DLGAP2: variants seen among roughly 807,000 people sequenced by gnomAD.
The protein encoded by DLGAP2 is disks large-associated protein 2.
DLGAP2 carries 26 observed loss-of-function variants against 100.3 expected under a neutral mutation model. The observed-to-expected ratio is 0.26, with a 90% confidence interval of 0.19 to 0.36. DLGAP2 has a LOEUF of 0.36. Among genes scored for constraint, DLGAP2 ranks in the 10% least tolerant of loss-of-function variants. The pLI, the probability that DLGAP2 is intolerant of heterozygous loss-of-function variation, is 1.00. For synonymous variants in DLGAP2, 886 were observed against 630.1 expected (o/e 1.41, Z -6.08); for missense variants, 1,858 against 1,453.2 (o/e 1.28, Z -4.53).
At chr8:1,588,253 G>A (rs1377861802) in intron 6 of DLGAP2, among the ~76,000 whole-genome samples, 1 of 151,964 alleles carries the variant, frequency 6.6e-6, no homozygotes, top group Admixed American at 6.6e-5. Flanking sequence ...TAATCTAATG[G>A]CTATTGAAGG....
intron 1 of DLGAP2, among the ~76,000 whole-genome samples, chr8:821,920 T>C (rs895175531): frequency 6.6e-6 from 1 of 152,232 alleles, no homozygotes; most frequent in Non-Finnish European, 1.5e-5. Context: ...CAGTTGGTGG[T>C]GATTTTTATA....
intron 2 of DLGAP2, among the ~76,000 whole-genome samples, chr8:1,113,239 G>C (rs568137097): frequency 3.9e-5 from 6 of 152,160 alleles, no homozygotes; most frequent in African/African-American, 1.4e-4. Context: ...GTTCTGTAAA[G>C]AGTGTCATTG....
At chr8:828,324 CG>C (rs530733499) in intron 1 of DLGAP2, among the ~76,000 whole-genome samples, 1 of 152,042 alleles carries the variant, frequency 6.6e-6, no homozygotes, top group East Asian at 1.9e-4. Context: ...AGGTACGCCC[CG>C]GGGGGGCCAG....
Position 1,555,827 on chromosome 8 carries a change from G to T in DLGAP2, c.1230+6144G>T, listed in dbSNP as rs77735545. Among the ~76,000 whole-genome samples, 527 of 152,384 alleles carry T rather than the reference G, an allele frequency of 3.5e-3. 5 individuals are homozygous for T. The highest frequency in any genetic ancestry group is 0.026 in the East Asian group (136 of 5,190). On this transcript the variant is annotated intron_variant, in intron 5 of 14. Coordinates refer to ENST00000637795, the MANE Select transcript of DLGAP2 (RefSeq NM_001346810.2). Reference sequence around the variant, plus strand: ...AATGTTTGTTGAAATGCTGATGGATGTTGAAGGGTGTCTGGTTTTGGGTTG... The same window carrying T: ...AATGTTTGTTGAAATGCTGATGGATTTTGAAGGGTGTCTGGTTTTGGGTTG...
In DLGAP2 at chr8:1,703,009, G is replaced by C. The variant is rs1799615604; in HGVS notation, c.*1603G>C. On this transcript the variant is annotated 3_prime_UTR_variant, in exon 15 of 15. Transcript: ENST00000637795. ...TGTCCCCAGCCCCTCTGCAGCCCGT[G>C]GCTGGCAGGGCGTTCGATGTGCGGT... 2 of 152,680 alleles carry C rather than the reference G, an allele frequency of 1.3e-5. No homozygotes were observed. The highest frequency in any genetic ancestry group is 4.8e-5 in the African/African-American group (2 of 41,448). The allele number at this position is 152,680 out of a possible 1,614,324, so 9.5% of individuals were successfully genotyped here. A position where few individuals can be genotyped will look rare whatever the true frequency, so the allele number is the denominator to read the frequency against.
chr8:1,209,609 G>A (rs745879119), intron 2 of DLGAP2, among the ~76,000 whole-genome samples: 1 of 152,166 alleles, frequency 6.6e-6, no homozygotes, highest in Non-Finnish European at 1.5e-5. Flanking sequence ...TTTGGAGATG[G>A]GGTTTTAGGG....
intron 3 of DLGAP2, among the ~76,000 whole-genome samples, chr8:1,344,090 G>A (rs74489429): frequency 9.6e-5 from 7 of 73,228 alleles, no homozygotes; most frequent in East Asian, 1.4e-3. Flanking sequence ...TGTCGTACTC[G>A]GGGCCCTGTC....
At chr8:1,254,888 C>CGTGCTGTGTGTGTGCCCTCTGCTGCCCGT (rs1799137817) in intron 2 of DLGAP2, among the ~76,000 whole-genome samples, 2 of 128,738 alleles carry the variant, frequency 1.6e-5, no homozygotes, top group African/African-American at 7.3e-5. Flanking sequence ...CTCCTGCCCG[C>CGTGCTGTGTGTGTGCCCTCTGCTGCCCGT]GTGCTGTGTC....
intron 8 of DLGAP2, among the ~76,000 whole-genome samples, chr8:1,666,042 T>C (rs904226552): frequency 1.3e-5 from 2 of 152,158 alleles, no homozygotes; most frequent in Non-Finnish European, 2.9e-5. Flanking sequence ...CAAGGTGAGA[T>C]GAATGTGCAG....
At chr8:907,657 T>C (rs1340263659) in intron 1 of DLGAP2, among the ~76,000 whole-genome samples, 1 of 152,194 alleles carries the variant, frequency 6.6e-6, no homozygotes, top group Non-Finnish European at 1.5e-5. Context: ...ATTAGGGGCA[T>C]CCATTAAACC....
intron 1 of DLGAP2, among the ~76,000 whole-genome samples, chr8:746,011 C>G (rs1181923079): frequency 6.6e-6 from 1 of 152,228 alleles, no homozygotes; most frequent in African/African-American, 2.4e-5. Flanking sequence ...AAGGTCATCC[C>G]CTCAACACTC....
chr8:838,343 A>T (rs919298353), intron 1 of DLGAP2, among the ~76,000 whole-genome samples: 20 of 152,128 alleles, frequency 1.3e-4, no homozygotes, highest in Admixed American at 5.2e-4. Flanking sequence ...CCATTCACAC[A>T]AATCCTTATT....
intron 2 of DLGAP2, among the ~76,000 whole-genome samples, chr8:1,030,160 A>G (rs1485864254): frequency 6.6e-6 from 1 of 152,250 alleles, no homozygotes; most frequent in Non-Finnish European, 1.5e-5. Context: ...CTCTTACAAC[A>G]GTCTAAGTGG....
At chr8:1,359,192 A>G (rs904015616) in intron 3 of DLGAP2, among the ~76,000 whole-genome samples, 26 of 152,288 alleles carry the variant, frequency 1.7e-4, no homozygotes, top group African/African-American at 6.3e-4. Flanking sequence ...GACACCCTGG[A>G]GGACAGACAC....
chr8:868,343 G>A (rs1032210513), intron 1 of DLGAP2, among the ~76,000 whole-genome samples: 2 of 152,204 alleles, frequency 1.3e-5, no homozygotes, highest in African/African-American at 4.8e-5. Flanking sequence ...ACATGTGGAT[G>A]CATGTACTTA....
At chr8:1,589,016 G>C (rs776805322) in intron 6 of DLGAP2, among the ~76,000 whole-genome samples, 1 of 152,174 alleles carries the variant, frequency 6.6e-6, no homozygotes, top group Non-Finnish European at 1.5e-5. Context: ...TTGAGCAAAT[G>C]CCATGGTACC....
At chr8:1,059,545 A>G (rs1244670346) in intron 2 of DLGAP2, among the ~76,000 whole-genome samples, 1 of 152,028 alleles carries the variant, frequency 6.6e-6, no homozygotes, top group Non-Finnish European at 1.5e-5. Context: ...TTCAGTGCCC[A>G]TTGCCTCCCC....
At chr8:1,456,376 A>C (rs1005651084) in intron 3 of DLGAP2, among the ~76,000 whole-genome samples, 1 of 152,150 alleles carries the variant, frequency 6.6e-6, no homozygotes, top group South Asian at 2.1e-4. Flanking sequence ...CTTCCTGACT[A>C]ATGGTGCCGT....
rs548766744 is a variant in DLGAP2, at chr8:1,551,992, TC to T, written c.1230+2314del. ...GTTTCTCCTCTCTTTCCTCTCTTCC[TC>T]CCCCTAGATTTTTTTTGTTTGGAAC... On this transcript the variant is annotated intron_variant, in intron 5 of 14. Coordinates refer to ENST00000637795, the MANE Select transcript of DLGAP2 (RefSeq NM_001346810.2). 3.9e-5 allele frequency among the ~76,000 whole-genome samples: 6 copies of T among 152,180 alleles called. No individual in the cohort carries two copies. In the South Asian group the frequency reaches 1.2e-3, roughly 32 times the overall value.
Sources: gnomAD v4.1 joint callset for allele counts (sites outside exome capture counted in the v4.1 genomes callset) on GRCh38, gnomAD v4.1.1 for gene constraint, MANE v1.5 for transcripts, NCBI Gene and HGNC (gene_info 2026-07-23, HGNC 2026-07-21) for gene names.